The following RTN3 variants were observed in gnomAD, a reference collection of about 807,000 sequenced individuals.
The protein encoded by RTN3 is reticulon-3.
RTN3 carries 49 observed loss-of-function variants against 77.8 expected under a neutral mutation model. The observed-to-expected ratio is 0.63, with a 90% CI of 0.50 to 0.80. The LOEUF is 0.80. Among genes scored for constraint, RTN3 ranks in the 30% least tolerant of loss-of-function variants. The pLI is 0.00. For synonymous variants in RTN3, 464 were observed against 446.9 expected (o/e 1.04, Z -0.48); for missense variants, 1,236 against 1,211.9 (o/e 1.02, Z -0.29).
chr11:63,696,884 T>C (rs1316719419), intron 1 of RTN3, among the ~76,000 whole-genome samples: 1 of 119,536 alleles, frequency 8.4e-6, no homozygotes, highest in South Asian at 3.0e-4. Flanking sequence ...TTTCTTTCTT[T>C]TTTTTTTTTT....
rs540047214 is a variant in RTN3, at chr11:63,698,994, T to C, written c.143-5857T>C. ...TTTTTTATATTGAAAGTTAATAATA[T>C]AAGGGATTCCTGGCCGGGCACAGTG... On this transcript the variant is annotated intron_variant, in intron 1 of 8. Coordinates refer to ENST00000377819, the MANE Select transcript of RTN3 (RefSeq NM_001265589.2). 2.0e-5 allele frequency among the ~76,000 whole-genome samples: 3 copies of C among 152,292 alleles called. No homozygotes were observed. The East Asian group carries it at 5.8e-4, about 29-fold the overall frequency.
Position 63,720,876 on chromosome 11 carries a change from A to AG in RTN3, c.2374_2375insG (p.Ile792SerfsTer5). The AG allele has an allele frequency of 6.2e-7, 1 of 1,614,088 alleles. No homozygotes were observed. The highest frequency in any genetic ancestry group is 2.2e-5 in the East Asian group (1 of 44,886). ...ATCTTGGCCACAGAGATCATATGAC[A>AG]TCCTAGAACGTAATGTCAAGAATGG... On this transcript the variant is annotated frameshift_variant, in exon 3 of 9. Coordinates refer to ENST00000377819, the MANE Select transcript of RTN3 (RefSeq NM_001265589.2). LOFTEE classifies it high-confidence loss of function.
chr11:63,702,116 A>AT (rs985869887), intron 1 of RTN3, among the ~76,000 whole-genome samples: 1 of 152,206 alleles, frequency 6.6e-6, no homozygotes, highest in African/African-American at 2.4e-5. Context: ...TATTTCTAAT[A>AT]TTTGTGAAAA....
intron 2 of RTN3, among the ~76,000 whole-genome samples, chr11:63,710,694 A>T (rs933366338): frequency 6.6e-6 from 1 of 151,474 alleles, no homozygotes; most frequent in African/African-American, 2.4e-5. Flanking sequence ...CTGCTCTCCA[A>T]CACATACCAA....
At chr11:63,697,524 G>A (rs1045213567) in intron 1 of RTN3, among the ~76,000 whole-genome samples, 1 of 151,804 alleles carries the variant, frequency 6.6e-6, no homozygotes, top group African/African-American at 2.4e-5. Context: ...CCCCCAGGCT[G>A]GAGTGCAATG....
At position 63,758,402 on chromosome 11, in the gene RTN3, A is replaced by G. The variant is rs762488316; in HGVS notation, c.*201A>G. Reference sequence around the variant, plus strand: ...AAATTGATGGACTGATAAAAGAACTATCTTAGAACTCAGAAGAAGAAAGAA... The same window carrying G: ...AAATTGATGGACTGATAAAAGAACTGTCTTAGAACTCAGAAGAAGAAAGAA... On this transcript the variant is annotated 3_prime_UTR_variant, in exon 9 of 9. Coordinates refer to ENST00000377819, the MANE Select transcript of RTN3 (RefSeq NM_001265589.2). 49 of 1,441,446 alleles carry G rather than the reference A, an allele frequency of 3.4e-5. No homozygotes were observed. The highest frequency in any genetic ancestry group is 4.6e-5 in the Non-Finnish European group (48 of 1,053,712). 89.3% of individuals were successfully genotyped at this position (1,441,446 alleles called of 1,614,324 possible).
chr11:63,695,816 T>C (rs967818772), intron 1 of RTN3, among the ~76,000 whole-genome samples: 5 of 152,124 alleles, frequency 3.3e-5, no homozygotes, highest in Non-Finnish European at 2.9e-5. Context: ...AAATGTGATA[T>C]GGTATCCTGG....
At chr11:63,696,788 C>G (rs1941966732) in intron 1 of RTN3, among the ~76,000 whole-genome samples, 1 of 151,148 alleles carries the variant, frequency 6.6e-6, no homozygotes, top group South Asian at 2.1e-4. Context: ...CTCAGGTGAT[C>G]CACCCTCCTT....
At position 63,720,703 on chromosome 11, in the gene RTN3, C is replaced by T. The variant is rs753348514; in HGVS notation, c.2201C>T (p.Ala734Val). The T allele has an allele frequency of 1.8e-5, 29 of 1,614,124 alleles. No homozygotes were observed. Among genetic ancestry groups the T allele is most frequent in the Non-Finnish European group, 2.3e-5 (27 of 1,179,978 alleles). ...TTCCCTACCCAAGGTACTCCAGTAG[C>T]ATCTCTTGACTTAGAACAAGAACAG... ...GVFPTQGTPV[A>V]SLDLEQEQLT... The change falls in exon 3 of 9, where the codon GCA (alanine) becomes GTA (valine). Residue 734 changes from alanine (A) to valine (V), a missense_variant. By Grantham distance (64) the Ala-to-Val change is moderately conservative. Coordinates refer to ENST00000377819, the MANE Select transcript of RTN3 (RefSeq NM_001265589.2).
rs188868077 is a variant in RTN3, at chr11:63,723,569, G to A, written c.2530+2537G>A. Reference sequence around the variant, plus strand: ...CTTCCGAGTAGCTGGGATTACAGGCGTGTGCCACCACGCCCAGCTAATTTT... The same window carrying A: ...CTTCCGAGTAGCTGGGATTACAGGCATGTGCCACCACGCCCAGCTAATTTT... On this transcript the variant is annotated intron_variant, in intron 3 of 8. Coordinates refer to ENST00000377819, the MANE Select transcript of RTN3 (RefSeq NM_001265589.2). Among the ~76,000 whole-genome samples, 574 of 151,990 alleles carry A rather than the reference G, an allele frequency of 3.8e-3. 3 individuals are homozygous for A. Among genetic ancestry groups the A allele is most frequent in the African/African-American group, 0.014 (562 of 41,460 alleles).
chr11:63,727,609 A>G (rs2012375076), intron 3 of RTN3, among the ~76,000 whole-genome samples: 1 of 152,196 alleles, frequency 6.6e-6, no homozygotes, highest in Non-Finnish European at 1.5e-5. Context: ...ACTAAAGAAC[A>G]GAAAGAACAC....
chr11:63,691,516 C>T (rs949444151), intron 1 of RTN3, among the ~76,000 whole-genome samples: 4 of 152,154 alleles, frequency 2.6e-5, no homozygotes, highest in South Asian at 2.1e-4. Context: ...CTTAGCCTCT[C>T]AAAGTGCTGG....
chr11:63,704,374 T>TA (rs34994997), intron 1 of RTN3, among the ~76,000 whole-genome samples: 7 of 152,272 alleles, frequency 4.6e-5, no homozygotes, highest in African/African-American at 1.7e-4. Flanking sequence ...TTGTGATTTT[T>TA]AAAAAAATAT....
chr11:63,754,766 A>G (rs1051777824), intron 7 of RTN3, among the ~76,000 whole-genome samples: 2 of 150,868 alleles, frequency 1.3e-5, no homozygotes, highest in Non-Finnish European at 2.9e-5. Context: ...TCTCTACTAA[A>G]AATACAAAAA....
rs2134906840 is a variant in RTN3, at chr11:63,720,663, G to C, written c.2161G>C (p.Glu721Gln). The C allele has an allele frequency of 1.2e-6, 2 of 1,614,122 alleles. No individual in the cohort carries two copies. Among genetic ancestry groups the C allele is most frequent in the Non-Finnish European group, 1.7e-6 (2 of 1,180,024 alleles). Residue 721 changes from glutamate (E) to glutamine (Q), a missense_variant, in exon 3 of 9, where the codon GAG becomes CAG. Physicochemically the swap from Glu to Gln is conservative, Grantham distance 29. This residue lies in a region of RTN3 where 1,056 missense variants were observed against 990.4 expected (regional missense o/e 1.07). Coordinates refer to ENST00000377819, the MANE Select transcript of RTN3 (RefSeq NM_001265589.2). The part of the protein sequence containing the change: ...SEQSKETNGS[E>Q]PLGVFPTQGT... ...ACAAAGCAAAGAAACAAATGGAAGTGAGCCTCTAGGTGTTTTCCCTACCCA... is the reference window on the plus strand; with the variant it reads ...ACAAAGCAAAGAAACAAATGGAAGTCAGCCTCTAGGTGTTTTCCCTACCCA...
chr11:63,715,051 T>C (rs1404622178), intron 2 of RTN3, among the ~76,000 whole-genome samples: 1 of 152,228 alleles, frequency 6.6e-6, no homozygotes, highest in African/African-American at 2.4e-5. Context: ...CCCAGTGACA[T>C]GAATATTCTT....
chr11:63,681,514 T>A lies in RTN3; in HGVS notation c.-123T>A. 9.6e-7 allele frequency: 1 copy of A among 1,037,788 alleles called. No individual in the cohort carries two copies. Among genetic ancestry groups the A allele is most frequent in the Non-Finnish European group, 1.3e-6 (1 of 745,944 alleles). 64.3% of individuals were successfully genotyped at this position (1,037,788 alleles called of 1,614,324 possible). ...CTGAGTCAGTCAGTCTGTCGGAGTC[T>A]GTCCTCGGAGCAGGCGGAGTAAAGG... On this transcript the variant is annotated 5_prime_UTR_variant, in exon 1 of 9. Coordinates refer to ENST00000377819, the MANE Select transcript of RTN3 (RefSeq NM_001265589.2).
At chr11:63,737,177 G>A (rs1186941) in intron 3 of RTN3, among the ~76,000 whole-genome samples, 19,043 of 152,070 alleles carry the variant, frequency 0.13, 1,286 homozygotes, top group South Asian at 0.16. Flanking sequence ...TTCACATGAT[G>A]TGCAGAAATT....
rs182897615 is a variant in RTN3 at position 63,694,270 on chromosome 11, G to A, written c.143-10581G>A. Among the ~76,000 whole-genome samples, 39 of 151,644 alleles carry A rather than the reference G, an allele frequency of 2.6e-4. No homozygotes were observed. The East Asian group carries it at 4.3e-3, about 17-fold the overall frequency. The stretch of plus-strand genomic sequence containing the variant: ...CGGCTCACTGCAACCTCCGCCTCCC[G>A]GGTTCAAGCAATTCTCCTGCCTCAG... On this transcript the variant is annotated intron_variant, in intron 1 of 8. Transcript: ENST00000377819.
Sources: gnomAD v4.1 joint callset for allele counts (sites outside exome capture counted in the v4.1 genomes callset) on GRCh38, gnomAD v4.1.1 for gene constraint, gnomAD v4.1.1 regional missense constraint, MANE v1.5 for transcripts, NCBI Gene and HGNC (gene_info 2026-07-23, HGNC 2026-07-21) for gene names.